The following PRMT8 variants were observed in gnomAD, a reference collection of about 807,000 sequenced individuals.
PRMT8 encodes protein arginine N-methyltransferase 8.
A neutral mutation model predicts 47.1 loss-of-function variants in PRMT8; 7 were observed. That is an observed-to-expected ratio of 0.15 (90% CI 0.08 to 0.28). The LOEUF (loss-of-function observed/expected upper bound fraction) is 0.28, where lower values mean the gene tolerates loss of function less well. Ranked by LOEUF, PRMT8 falls within the 10% of genes least tolerant of loss-of-function variation. The pLI is 1.00. For synonymous variants in PRMT8, 188 were observed against 186.5 expected, an observed-to-expected ratio of 1.01 and a Z score of -0.07; for missense variants, 237 against 505.4, an observed-to-expected ratio of 0.47 and a Z score of 5.09.
intron 7 of PRMT8, among the ~76,000 whole-genome samples, chr12:3,577,679 T>A (rs1591612593): frequency 2.0e-5 from 1 of 49,578 alleles, no homozygotes; most frequent in Middle Eastern, 6.3e-3. Flanking sequence ...TTTTGTGGGA[T>A]TTTTTTTTTA....
Position 3,593,495 on chromosome 12 carries a change from A to T in PRMT8, c.*313A>T. 2 of 342,812 alleles carry T rather than the reference A, an allele frequency of 5.8e-6. No homozygotes were observed. The highest frequency in any genetic ancestry group is 1.1e-5 in the Non-Finnish European group (2 of 186,434). The allele number at this position is 342,812 out of a possible 1,614,324, so 21.2% of individuals were successfully genotyped here. On this transcript the variant is annotated 3_prime_UTR_variant, in exon 10 of 10. Coordinates refer to ENST00000382622, the MANE Select transcript of PRMT8 (RefSeq NM_019854.5). This position sits in a 1 kb window ranked among gnomAD's most constrained non-coding sequence, Gnocchi z 4.8. ...TCTCCCCGTCTCCTCCTTAACTGTG[A>T]CTCTCCGGGTCTTCTGAGTTTTGCA...
upstream of PRMT8, chr12:3,491,116 C>G (rs1478903574): frequency 1.0e-6 from 1 of 981,124 alleles, no homozygotes; most frequent in African/African-American, 1.8e-5. Context: ...TCGGTCTGCG[C>G]CCAGCCGCCG....
intron 4 of PRMT8, among the ~76,000 whole-genome samples, chr12:3,558,478 T>C: frequency 6.6e-6 from 1 of 152,172 alleles, no homozygotes; most frequent in Non-Finnish European, 1.5e-5. Context: ...CATTACCTAA[T>C]GCCCAGATCC....
intron 7 of PRMT8, among the ~76,000 whole-genome samples, chr12:3,579,796 A>C (rs576417856): frequency 1.3e-5 from 2 of 152,262 alleles, no homozygotes; most frequent in South Asian, 4.1e-4. Context: ...TTCTGCTCCG[A>C]GACATCCATT....
At chr12:3,428,567 T>G (rs993396066) in intron 1 of PRMT8, among the ~76,000 whole-genome samples, 3 of 152,200 alleles carry the variant, frequency 2.0e-5, no homozygotes, top group Non-Finnish European at 4.4e-5. Flanking sequence ...TGGAGTGTTA[T>G]AGGGTCACGG....
chr12:3,397,865 T>C (rs1864273232), intron 1 of PRMT8, among the ~76,000 whole-genome samples: 1 of 152,164 alleles, frequency 6.6e-6, no homozygotes, highest in Non-Finnish European at 1.5e-5. Flanking sequence ...TCAGCGAGAC[T>C]CCATGGGCGT....
chr12:3,434,191 T>A (rs1166126817), intron 1 of PRMT8, among the ~76,000 whole-genome samples: 1 of 152,088 alleles, frequency 6.6e-6, no homozygotes, highest in Non-Finnish European at 1.5e-5. Context: ...TTAAAACCCT[T>A]TAGGGACTGT....
intron 1 of PRMT8, among the ~76,000 whole-genome samples, chr12:3,418,780 C>T (rs377701646): frequency 1.4e-4 from 21 of 151,912 alleles, no homozygotes; most frequent in African/African-American, 5.1e-4. Context: ...GTGGCTTTTG[C>T]CTCCTCTGGA....
At chr12:3,444,975 G>C (rs986054520) in intron 1 of PRMT8, among the ~76,000 whole-genome samples, 4 of 152,244 alleles carry the variant, frequency 2.6e-5, no homozygotes, top group Admixed American at 2.0e-4. Flanking sequence ...CTTTAGGGAA[G>C]GTTAGGGGTG....
At chr12:3,499,188 CCTTT>C (rs1288669450) in intron 1 of PRMT8, among the ~76,000 whole-genome samples, 12 of 131,234 alleles carry the variant, frequency 9.1e-5, no homozygotes, top group Admixed American at 1.5e-4. Context: ...TTTTTTTTTT[CCTTT>C]CTTTTTTTTT....
intron 1 of PRMT8, among the ~76,000 whole-genome samples, chr12:3,479,407 A>C (rs1208112811): frequency 6.6e-6 from 1 of 152,180 alleles, no homozygotes; most frequent in Non-Finnish European, 1.5e-5. Context: ...GATTGTGTTC[A>C]AAAAAGCCCC....
intron 1 of PRMT8, among the ~76,000 whole-genome samples, chr12:3,534,659 G>A (rs1397779661): frequency 1.3e-5 from 2 of 152,192 alleles, no homozygotes; most frequent in Non-Finnish European, 2.9e-5. Context: ...CTCCACTGAA[G>A]CGCTCTCCTC....
chr12:3,390,302 C>T (rs148811545), intron 1 of PRMT8, among the ~76,000 whole-genome samples: 1 of 152,310 alleles, frequency 6.6e-6, no homozygotes, highest in African/African-American at 2.4e-5. Flanking sequence ...ACTGATTAGA[C>T]CAACGCAGTG....
intron 1 of PRMT8, among the ~76,000 whole-genome samples, chr12:3,475,887 A>T (rs1459922817): frequency 6.6e-6 from 1 of 152,224 alleles, no homozygotes; most frequent in Non-Finnish European, 1.5e-5. Flanking sequence ...TATGTGGAGA[A>T]GGGTCTGAGG....
intron 1 of PRMT8, among the ~76,000 whole-genome samples, chr12:3,407,174 AACTC>A (rs1864380898): frequency 6.6e-6 from 1 of 152,224 alleles, no homozygotes; most frequent in Admixed American, 6.5e-5. Flanking sequence ...ATCTCATGAG[AACTC>A]ACTCACTATA....
rs184857275 is a variant in PRMT8 at position 3,480,083 on chromosome 12, A to T, written c.49-60523A>T. 3.2e-4 allele frequency among the ~76,000 whole-genome samples: 49 copies of T among 152,316 alleles called. No individual in the cohort carries two copies. In the South Asian group the frequency reaches 4.3e-3, roughly 14 times the overall value. On this transcript the variant is annotated intron_variant, in intron 1 of 9. Coordinates refer to the PRMT8 transcript ENST00000452611. The stretch of plus-strand genomic sequence containing the variant: ...GGACATGGATAATGGACAAACCCTG[A>T]TGGGCATATTTCTTTAAAATTTCTA...
intron 1 of PRMT8, among the ~76,000 whole-genome samples, chr12:3,428,267 A>G (rs1330027114): frequency 6.6e-6 from 1 of 151,608 alleles, no homozygotes; most frequent in Non-Finnish European, 1.5e-5. Flanking sequence ...TTTTTAACAC[A>G]ATAGCCCTAT....
chr12:3,451,705 C>T (rs142376539), intron 1 of PRMT8, among the ~76,000 whole-genome samples: 4 of 152,294 alleles, frequency 2.6e-5, no homozygotes, highest in East Asian at 1.9e-4. Context: ...CCGCTTAGGC[C>T]GCAGTGCTGT....
At chr12:3,548,317 A>G (rs865871236) in intron 2 of PRMT8, among the ~76,000 whole-genome samples, 43 of 152,288 alleles carry the variant, frequency 2.8e-4, no homozygotes, top group African/African-American at 8.9e-4. Context: ...ATCATAAGTG[A>G]AAAAAATGGA....
Sources: allele counts gnomAD v4.1 joint callset (sites outside exome capture counted in the v4.1 genomes callset), GRCh38; gene constraint gnomAD v4.1.1; non-coding constraint Gnocchi (gnomAD v3.1); transcripts MANE v1.5; gene names NCBI Gene and HGNC (gene_info 2026-07-23, HGNC 2026-07-21).